KIF26B: variants seen among roughly 807,000 people sequenced by gnomAD.
KIF26B encodes kinesin-like protein KIF26B.
KIF26B carries 63 observed loss-of-function variants against 151.2 expected under a neutral mutation model. The observed-to-expected ratio is 0.42, with a 90% confidence interval of 0.34 to 0.51. The LOEUF is 0.51. KIF26B is among the 20% of genes least tolerant of loss of function. KIF26B has a pLI of 0.07. For synonymous variants in KIF26B, 1,357 were observed against 1,262.1 expected, an observed-to-expected ratio of 1.08 and a Z score of -1.59; for missense variants, 2,813 against 2,913.6, an observed-to-expected ratio of 0.97 and a Z score of 0.79.
chr1:245,374,623 A>G lies in KIF26B; in HGVS notation c.999+7256A>G, dbSNP rs1200541827. Among the ~76,000 whole-genome samples, 4 of 152,262 alleles carry G rather than the reference A, an allele frequency of 2.6e-5. No homozygotes were observed. In the South Asian group the frequency reaches 6.2e-4, roughly 24 times the overall value. The stretch of plus-strand genomic sequence containing the variant: ...GCTGCTGTGTCTACCCAGTCAGGCA[A>G]TAGTGTAAGATGCCACGATTAGACC... On this transcript the variant is annotated intron_variant, in intron 3 of 14. Coordinates refer to ENST00000407071, the MANE Select transcript of KIF26B (RefSeq NM_018012.4).
intron 4 of KIF26B, among the ~76,000 whole-genome samples, chr1:245,509,145 A>G (rs985507811): frequency 1.1e-4 from 17 of 152,234 alleles, no homozygotes; most frequent in East Asian, 7.7e-4. Flanking sequence ...GGGGACATGT[A>G]ATGATGACTG....
intron 6 of KIF26B, among the ~76,000 whole-genome samples, chr1:245,607,349 G>A (rs1434134389): frequency 6.6e-6 from 1 of 152,174 alleles, no homozygotes; most frequent in Non-Finnish European, 1.5e-5. Context: ...TGAGGTTCAT[G>A]AGCACACTGT....
chr1:245,700,684 G>C (rs1349047667), intron 14 of KIF26B, among the ~76,000 whole-genome samples: 1 of 152,188 alleles, frequency 6.6e-6, no homozygotes, highest in Admixed American at 6.5e-5. Context: ...GTGTCTGCTT[G>C]CATGATGCAC....
At chr1:245,390,921 C>CAAAAAAAAAAAAAAAAAAAA (rs796799193) in intron 3 of KIF26B, among the ~76,000 whole-genome samples, 2 of 13,448 alleles carry the variant, frequency 1.5e-4, no homozygotes, top group African/African-American at 4.5e-4. Flanking sequence ...GACCCTGTCT[C>CAAAAAAAAAAAAAAAAAAAA]AAAAAAAAAA....
chr1:245,636,860 T>TTGTGTG lies in KIF26B; in HGVS notation c.2099-9243_2099-9238dup, dbSNP rs34722448. 4.2e-3 allele frequency among the ~76,000 whole-genome samples: 630 copies of TTGTGTG among 149,284 alleles called. 6 individuals carry two copies. Among genetic ancestry groups the TTGTGTG allele is most frequent in the East Asian group, 0.015 (76 of 5,068 alleles). On this transcript the variant is annotated intron_variant, in intron 9 of 14. Coordinates refer to ENST00000407071, the MANE Select transcript of KIF26B (RefSeq NM_018012.4). The stretch of plus-strand genomic sequence containing the variant: ...ATTTTTATGGCTGAATAATATTCCA[T>TTGTGTG]TGTGTGTGTGTGTGTGTGTGTGTAT...
intron 9 of KIF26B, among the ~76,000 whole-genome samples, chr1:245,643,179 T>G (rs938934589): frequency 9.8e-5 from 15 of 152,342 alleles, no homozygotes; most frequent in African/African-American, 3.6e-4. Context: ...GATTTTTGCC[T>G]TTTAATAAGG....
At chr1:245,607,164 A>C (rs2043465081) in intron 6 of KIF26B, among the ~76,000 whole-genome samples, 1 of 151,968 alleles carries the variant, frequency 6.6e-6, no homozygotes, top group Non-Finnish European at 1.5e-5. Context: ...CCTCTTGCTT[A>C]CGTGAGAACT....
At chr1:245,440,355 G>C (rs1659047715) in intron 4 of KIF26B, among the ~76,000 whole-genome samples, 1 of 152,186 alleles carries the variant, frequency 6.6e-6, no homozygotes, top group African/African-American at 2.4e-5. Context: ...AAGAGCTAGG[G>C]TGCAATCTGA....
intron 4 of KIF26B, among the ~76,000 whole-genome samples, chr1:245,520,844 A>T (rs1016272099): frequency 1.3e-5 from 2 of 152,174 alleles, no homozygotes; most frequent in Non-Finnish European, 2.9e-5. Context: ...CTTAGGGAAC[A>T]TTGTAGGATG....
intron 4 of KIF26B, among the ~76,000 whole-genome samples, chr1:245,460,270 G>A (rs762969792): frequency 2.0e-5 from 3 of 152,132 alleles, no homozygotes; most frequent in Non-Finnish European, 4.4e-5. Flanking sequence ...CTGGCCCAGA[G>A]GTTTGTTTTT....
At chr1:245,399,369 A>C (rs1282116557) in intron 3 of KIF26B, among the ~76,000 whole-genome samples, 1 of 152,086 alleles carries the variant, frequency 6.6e-6, no homozygotes, top group Non-Finnish European at 1.5e-5. Context: ...GGTGGAAGGG[A>C]TGGGGGTGAG....
At chr1:245,276,554 G>A (rs1229014872) in intron 2 of KIF26B, among the ~76,000 whole-genome samples, 1 of 152,126 alleles carries the variant, frequency 6.6e-6, no homozygotes, top group African/African-American at 2.4e-5. Context: ...CATCCCTTGG[G>A]CAGTCCCCTT....
chr1:245,182,363 C>T (rs1312418738), intron 2 of KIF26B, among the ~76,000 whole-genome samples: 3 of 152,188 alleles, frequency 2.0e-5, no homozygotes, highest in South Asian at 4.1e-4. Context: ...TGAGTTGGTA[C>T]AGTGTTTTCA....
At chr1:245,223,668 T>C (rs1669817120) in intron 2 of KIF26B, among the ~76,000 whole-genome samples, 1 of 152,216 alleles carries the variant, frequency 6.6e-6, no homozygotes, top group African/African-American at 2.4e-5. Context: ...TTTCACTCCA[T>C]AGCACAGCAG....
intron 4 of KIF26B, among the ~76,000 whole-genome samples, chr1:245,538,083 G>C (rs1661525900): frequency 6.6e-6 from 1 of 152,184 alleles, no homozygotes; most frequent in Non-Finnish European, 1.5e-5. Context: ...AGCAGAAAGG[G>C]TATCAAGGAG....
intron 3 of KIF26B, among the ~76,000 whole-genome samples, chr1:245,406,684 A>G (rs1674142501): frequency 6.6e-6 from 1 of 152,210 alleles, no homozygotes; most frequent in South Asian, 2.1e-4. Context: ...CATAACTAAT[A>G]AACAATGCCA....
intron 4 of KIF26B, among the ~76,000 whole-genome samples, chr1:245,449,785 G>A (rs973859259): frequency 3.9e-5 from 6 of 152,202 alleles, no homozygotes; most frequent in African/African-American, 1.4e-4. Flanking sequence ...TTCACTGCTG[G>A]AGAGGAACAA....
chr1:245,468,557 C>T (rs756106220), intron 4 of KIF26B, among the ~76,000 whole-genome samples: 13 of 152,008 alleles, frequency 8.6e-5, no homozygotes, highest in Non-Finnish European at 1.5e-4. Context: ...TTTATGAGAA[C>T]CTGAAGAGGT....
At chr1:245,401,872 A>G (rs2103027355) in intron 3 of KIF26B, among the ~76,000 whole-genome samples, 1 of 117,550 alleles carries the variant, frequency 8.5e-6, no homozygotes, top group African/African-American at 4.1e-5. Context: ...TCCATCTCCA[A>G]ACAAACAAAC....
Sources: allele counts gnomAD v4.1 joint callset (sites outside exome capture counted in the v4.1 genomes callset), GRCh38; gene constraint gnomAD v4.1.1; transcripts MANE v1.5; gene names NCBI Gene and HGNC (gene_info 2026-07-23, HGNC 2026-07-21).